PIK3R3: variants seen among roughly 807,000 people sequenced by gnomAD.
PIK3R3 encodes the protein phosphatidylinositol 3-kinase regulatory subunit gamma.
A neutral mutation model predicts 62.9 loss-of-function variants in PIK3R3; 64 were observed. That is an observed-to-expected ratio of 1.02 (90% CI 0.83 to 1.25). The LOEUF (loss-of-function observed/expected upper bound fraction) is 1.25, where lower values mean the gene tolerates loss of function less well. PIK3R3 is among the 50% of genes most tolerant of loss of function. The pLI, the probability that PIK3R3 is intolerant of heterozygous loss-of-function variation, is 0.00. For synonymous variants in PIK3R3, 165 were observed against 189.0 expected, an observed-to-expected ratio of 0.87 and a Z score of 1.04; for missense variants, 614 against 561.6, an observed-to-expected ratio of 1.09 and a Z score of -0.94.
chr1:46,157,935 C>A, the PIK3R3 span, among the ~76,000 whole-genome samples: 2 of 152,206 alleles, frequency 1.3e-5, no homozygotes, highest in African/African-American at 4.8e-5. Flanking sequence ...GAGTTAACAG[C>A]ACATTTTTAT....
At chr1:46,097,360 A>G (rs1052008975) in intron 1 of PIK3R3, among the ~76,000 whole-genome samples, 3 of 152,078 alleles carry the variant, frequency 2.0e-5, no homozygotes, top group Admixed American at 1.3e-4. Context: ...CCTGGTCAAC[A>G]TTGTGAAACC....
At chr1:46,146,566 C>G in the PIK3R3 span, among the ~76,000 whole-genome samples, 4 of 152,134 alleles carry the variant, frequency 2.6e-5, no homozygotes, top group African/African-American at 9.7e-5. Context: ...CCAAAAATGT[C>G]AAATGTTCCC....
At chr1:46,140,468 T>C in the PIK3R3 span, among the ~76,000 whole-genome samples, 2 of 152,208 alleles carry the variant, frequency 1.3e-5, no homozygotes, top group Admixed American at 6.5e-5. Context: ...AAGCTCTGAA[T>C]GTGAACTTAT....
chr1:46,147,375 GATT>G, the PIK3R3 span, among the ~76,000 whole-genome samples: 17 of 152,326 alleles, frequency 1.1e-4, no homozygotes, highest in South Asian at 3.5e-3. Flanking sequence ...AAAATGCTGG[GATT>G]ACAGGCGTGA....
intron 1 of PIK3R3, among the ~76,000 whole-genome samples, 195 bp from the exon 2 acceptor site, chr1:46,080,945 G>C (rs1371928025): frequency 1.3e-5 from 2 of 151,966 alleles, no homozygotes; most frequent in African/African-American, 4.8e-5. Flanking sequence ...CAAGATATTT[G>C]TTTTTTTCCT....
chr1:46,157,751 A>C, the PIK3R3 span, among the ~76,000 whole-genome samples: 1 of 152,300 alleles, frequency 6.6e-6, no homozygotes, highest in South Asian at 2.1e-4. Context: ...GTGATGGCCG[A>C]AGTGCCCAAG....
chr1:46,122,465 G>A (rs1311281547), intron 1 of PIK3R3, among the ~76,000 whole-genome samples: 1 of 152,130 alleles, frequency 6.6e-6, no homozygotes, highest in Non-Finnish European at 1.5e-5. Context: ...TGCCTCCAGG[G>A]ATCAAGCGAT....
chr1:46,152,916 C>A, the PIK3R3 span, among the ~76,000 whole-genome samples: 1 of 152,176 alleles, frequency 6.6e-6, no homozygotes, highest in Admixed American at 6.5e-5. Context: ...CTCCTGAAGA[C>A]CTTGCTGGGC....
intron 1 of PIK3R3, among the ~76,000 whole-genome samples, chr1:46,131,202 A>G (rs1218865836): frequency 1.3e-5 from 2 of 152,214 alleles, no homozygotes; most frequent in African/African-American, 4.8e-5. Context: ...GTAATAAAAT[A>G]TTGCACGTAG....
rs1197054891 is a variant in PIK3R3, at chr1:46,040,752, A to G, written c.*2921T>C. ...CCCGTGGAAGACACATTGGCTCTCA[A>G]AGCTTCTTCAAAGCACATGAGGCCT... On this transcript the variant is annotated 3_prime_UTR_variant, in exon 10 of 10. Transcript: ENST00000262741. The G allele has an allele frequency of 5.1e-6, 1 of 195,878 alleles. No homozygotes were observed. The highest frequency in any genetic ancestry group is 6.1e-5 in the Admixed American group (1 of 16,504). The allele number at this position is 195,878 out of a possible 1,614,324, so 12.1% of individuals were successfully genotyped here. A position where few individuals can be genotyped will look rare whatever the true frequency, so the allele number is the denominator to read the frequency against.
At chr1:46,165,710 C>CTATTTATT in the PIK3R3 span, among the ~76,000 whole-genome samples, 1 of 102,606 alleles carries the variant, frequency 9.7e-6, no homozygotes, top group Admixed American at 1.0e-4. Context: ...AAACCCAGGT[C>CTATTTATT]TATTTATTTG....
In PIK3R3 at chr1:46,051,775, C is replaced by T. The variant is rs80327092; in HGVS notation, c.941+4020G>A. Among the ~76,000 whole-genome samples the T allele has an allele frequency of 6.7e-3, 1,016 of 152,220 alleles. 11 individuals carry two copies. The highest frequency in any genetic ancestry group is 0.024 in the African/African-American group (978 of 41,510). Reference sequence around the variant, plus strand: ...TAGTTCCAAGACAACCAAATAGATGCCTGAAAGCAGACAGTACTAAACCCT... The same window carrying T: ...TAGTTCCAAGACAACCAAATAGATGTCTGAAAGCAGACAGTACTAAACCCT... On this transcript the variant is annotated intron_variant, in intron 7 of 9. Coordinates refer to ENST00000262741, the MANE Select transcript of PIK3R3 (RefSeq NM_003629.4).
intron 7 of PIK3R3, chr1:46,047,115 A>C (rs888186067): frequency 3.2e-5 from 5 of 154,396 alleles, no homozygotes; most frequent in Non-Finnish European, 5.7e-5. Context: ...CTGAGTAATT[A>C]ATATGAGTGA....
the PIK3R3 span, among the ~76,000 whole-genome samples, chr1:46,165,751 CTTTTTTTTTTTTTTTTTTT>C: frequency 1.4e-3 from 57 of 39,556 alleles, no homozygotes; most frequent in East Asian, 0.03. Context: ...CTGCTTTGTC[CTTTTTTTTTTTTTTTTTTT>C]TTTTTTTTTT....
chr1:46,059,790 C>T (rs1253732370), intron 6 of PIK3R3, among the ~76,000 whole-genome samples: 1 of 151,402 alleles, frequency 6.6e-6, no homozygotes. Context: ...CAAAACCCTA[C>T]CTCAAAAAAT....
the PIK3R3 span, among the ~76,000 whole-genome samples, chr1:46,142,100 A>G: frequency 2.0e-5 from 3 of 152,216 alleles, no homozygotes; most frequent in African/African-American, 7.2e-5. Flanking sequence ...AAAGCCTGTA[A>G]ACCTGTACCC....
chr1:46,042,800 T>G lies in PIK3R3; in HGVS notation c.*873A>C, dbSNP rs973072296. ...TACAAGCACCAACTTCATTTTATGA[T>G]TCAAAGCTCACCATCCCCACAAAAA... On this transcript the variant is annotated 3_prime_UTR_variant, in exon 10 of 10. Coordinates refer to ENST00000262741, the MANE Select transcript of PIK3R3 (RefSeq NM_003629.4). This position sits in a 1 kb window ranked among gnomAD's most constrained non-coding sequence, Gnocchi z 4.3. The G allele has an allele frequency of 5.1e-6, 1 of 195,722 alleles. No individual in the cohort carries two copies. Among genetic ancestry groups the G allele is most frequent in the Non-Finnish European group, 1.1e-5 (1 of 93,872 alleles). 12.1% of individuals were successfully genotyped at this position (195,722 alleles called of 1,614,324 possible).
At chr1:46,133,257 A>G (rs536916516), upstream of PIK3R3, among the ~76,000 whole-genome samples, 1 of 152,404 alleles carries the variant, frequency 6.6e-6, no homozygotes, top group East Asian at 1.9e-4. Flanking sequence ...AACGGCGGTT[A>G]CTGACAGGCT....
chr1:46,080,218 T>C (rs2149413535), intron 2 of PIK3R3, among the ~76,000 whole-genome samples: 1 of 151,650 alleles, frequency 6.6e-6, no homozygotes, highest in African/African-American at 2.4e-5. Context: ...CATGCCAACA[T>C]GCCCAGCTAA....
Sources: gnomAD v4.1 joint callset for allele counts (sites outside exome capture counted in the v4.1 genomes callset) on GRCh38, gnomAD v4.1.1 for gene constraint, Gnocchi (gnomAD v3.1) non-coding constraint, MANE v1.5 for transcripts, NCBI Gene and HGNC (gene_info 2026-07-23, HGNC 2026-07-21) for gene names.